MFAP3L: variants seen among roughly 807,000 people sequenced by gnomAD.
The protein encoded by MFAP3L is microfibrillar-associated protein 3-like.
MFAP3L carries 5 observed loss-of-function variants against 20.0 expected under a neutral mutation model. The ratio of observed to expected loss-of-function variants is 0.25; its 90% confidence interval spans 0.13 to 0.53. The LOEUF (loss-of-function observed/expected upper bound fraction) is 0.53. MFAP3L is among the 20% of genes least tolerant of loss of function. The pLI is 0.96. For missense variants in MFAP3L, 409 were observed against 527.5 expected, an observed-to-expected ratio of 0.78 and a Z score of 2.20; for synonymous variants, 219 against 213.0, an observed-to-expected ratio of 1.03 and a Z score of -0.25.
rs761925552 is a variant in MFAP3L at position 169,991,739 on chromosome 4, G to C, written c.869C>G (p.Pro290Arg). Reference protein sequence around the residue: ...AADRDEVYTIPNSLKRSDSPA... With the variant: ...AADRDEVYTIRNSLKRSDSPA... The stretch of plus-strand genomic sequence containing the variant: ...GGAGTCGCTCCGCTTCAGAGAGTTG[G>C]GGATTGTGTAGACCTCATCCCTGTC... The change falls in exon 3 of 3, where the codon CCC becomes CGC. Residue 290 changes from proline to arginine, a missense_variant. By Grantham distance (103) the Pro-to-Arg change is moderately radical (BLOSUM62 -2). Transcript: ENST00000361618. The surrounding 1 kb of genome is among the most constrained non-coding windows in gnomAD (Gnocchi z 4.9). The C allele has an allele frequency of 6.8e-6, 11 of 1,613,950 alleles. No homozygotes were observed. In the African/African-American group the frequency reaches 1.5e-4, roughly 22 times the overall value.
chr4:170,022,778 G>A (rs1740116023), intron 1 of MFAP3L, among the ~76,000 whole-genome samples: 1 of 152,148 alleles, frequency 6.6e-6, no homozygotes, highest in Non-Finnish European at 1.5e-5. Context: ...TACAAAACAA[G>A]GAATGGGGGT....
At chr4:170,012,199 A>G (rs958679362) in intron 1 of MFAP3L, among the ~76,000 whole-genome samples, 1 of 152,204 alleles carries the variant, frequency 6.6e-6, no homozygotes, top group African/African-American at 2.4e-5. Context: ...AAGGAAATGA[A>G]CGGGGGCCTG....
rs368486887 is a variant in MFAP3L, at chr4:169,991,338, C to T, written c.*40G>A. 53 of 1,578,690 alleles carry T rather than the reference C, an allele frequency of 3.4e-5. No homozygotes were observed. The highest frequency in any genetic ancestry group is 4.4e-5 in the Non-Finnish European group (51 of 1,160,174). ...CTACATCTGTATTACAAGGAGCAGC[C>T]CCTGATTTTCTTGATATGCATAGCT... On this transcript the variant is annotated 3_prime_UTR_variant, in exon 3 of 3. Transcript: ENST00000361618. This position sits in a 1 kb window ranked among gnomAD's most constrained non-coding sequence, Gnocchi z 4.9.
intron 1 of MFAP3L, among the ~76,000 whole-genome samples, chr4:170,022,467 T>C (rs908409705): frequency 6.6e-6 from 1 of 152,226 alleles, no homozygotes; most frequent in African/African-American, 2.4e-5. Context: ...GACCACTTTG[T>C]TCCCCTCCTC....
intron 2 of MFAP3L, chr4:169,993,549 G>A (rs1490819651): frequency 6.6e-6 from 1 of 152,118 alleles, no homozygotes; most frequent in Non-Finnish European, 1.5e-5. Flanking sequence ...TTAATACAGG[G>A]TTCCAATGGA....
intron 2 of MFAP3L, chr4:170,003,791 T>C (rs1351712904): frequency 3.0e-6 from 3 of 985,360 alleles, no homozygotes; most frequent in Non-Finnish European, 3.6e-6. Flanking sequence ...CTAAGGTACC[T>C]GGCCTGCAGT....
At chr4:170,011,102 G>C (rs911046955) in intron 1 of MFAP3L, among the ~76,000 whole-genome samples, 2 of 152,166 alleles carry the variant, frequency 1.3e-5, no homozygotes, top group African/African-American at 4.8e-5. Flanking sequence ...CTGCTGCCGT[G>C]TAAGACATGC....
Position 169,992,230 on chromosome 4 carries a change from C to T in MFAP3L, c.378G>A (p.Val126=). The T allele has an allele frequency of 6.2e-7, 1 of 1,614,114 alleles. No homozygotes were observed. Among genetic ancestry groups the T allele is most frequent in the Non-Finnish European group, 8.5e-7 (1 of 1,180,008 alleles). The part of the protein sequence containing the change: ...SFSDRGKYTC[V]ASNIYGTVNN... ...TCACGGTGCCGTAGATGTTAGAAGC[C>T]ACACACGTGTATTTACCTCGGTCTG... is the stretch of plus-strand genomic sequence containing the variant. The change falls in exon 3 of 3, where the codon GTG becomes GTA. Residue 126 remains valine, a synonymous_variant. Transcript: ENST00000361618. The surrounding 1 kb of genome is among the most constrained non-coding windows in gnomAD (Gnocchi z 4.3).
intron 2 of MFAP3L, chr4:170,002,004 G>A: frequency 9.1e-6 from 9 of 985,430 alleles, no homozygotes; most frequent in Non-Finnish European, 1.1e-5. Context: ...CTCCTTTCCA[G>A]GCTAATCACA....
intron 1 of MFAP3L, among the ~76,000 whole-genome samples, chr4:170,016,238 C>A (rs1739693559): frequency 6.6e-6 from 1 of 152,174 alleles, no homozygotes; most frequent in African/African-American, 2.4e-5. Context: ...AGTGTAAAAG[C>A]CAGAGGCAGC....
At chr4:170,019,918 C>T (rs1198134051) in intron 1 of MFAP3L, among the ~76,000 whole-genome samples, 3 of 152,198 alleles carry the variant, frequency 2.0e-5, no homozygotes, top group Non-Finnish European at 1.5e-5. Flanking sequence ...CAACCCACAA[C>T]AACTTTCTTT....
intron 2 of MFAP3L, 27 bp downstream of exon 2, chr4:170,005,553 G>T: frequency 6.2e-7 from 1 of 1,601,208 alleles, no homozygotes; most frequent in South Asian, 1.1e-5. Flanking sequence ...ATTTTATTAT[G>T]ACATTTGATA....
Position 169,986,662 on chromosome 4 carries a change from TTC to T in MFAP3L, c.*4714_*4715del, listed in dbSNP as rs2110872913. 1 of 152,324 alleles carries T rather than the reference TTC, an allele frequency of 6.6e-6. No individual in the cohort carries two copies. The highest frequency in any genetic ancestry group is 2.1e-4 in the South Asian group (1 of 4,828). 9.4% of individuals were successfully genotyped at this position (152,324 alleles called of 1,614,324 possible). ...AAAATACAGGATGGATCACATGGTTTTCTGTTTTTGCTACTGTAATACCAACT... is the reference window on the plus strand; with the variant it reads ...AAAATACAGGATGGATCACATGGTTTTGTTTTTGCTACTGTAATACCAACT... On this transcript the variant is annotated 3_prime_UTR_variant, in exon 3 of 3. Transcript: ENST00000361618.
rs1468079929 is a variant in MFAP3L at position 170,005,956 on chromosome 4, C to G, written c.-79G>C. The G allele has an allele frequency of 3.3e-6, 5 of 1,523,426 alleles. No individual in the cohort carries two copies. Among genetic ancestry groups the G allele is most frequent in the South Asian group, 2.6e-5 (2 of 78,120 alleles). 94.4% of individuals were successfully genotyped at this position (1,523,426 alleles called of 1,614,324 possible). A position where few individuals can be genotyped will look rare whatever the true frequency, so the allele number is the denominator to read the frequency against. ...CTATCAGACAACACACTGTTCACAGCAGGTCATGGGACAAACCTGTCCTGG... is the reference window on the plus strand; with the variant it reads ...CTATCAGACAACACACTGTTCACAGGAGGTCATGGGACAAACCTGTCCTGG... On this transcript the variant is annotated 5_prime_UTR_variant, in exon 2 of 3. Coordinates refer to ENST00000361618, the MANE Select transcript of MFAP3L (RefSeq NM_021647.8).
rs142895922 is a variant in MFAP3L at position 170,006,409 on chromosome 4, G to A, written c.-133-399C>T. Among the ~76,000 whole-genome samples the A allele has an allele frequency of 1.5e-4, 23 of 152,154 alleles. No individual in the cohort carries two copies. In the East Asian group the frequency reaches 3.5e-3, roughly 23 times the overall value. Reference sequence around the variant, plus strand: ...ATTACAGGCGTGAGCCACCGCACCCGGCCAAACCTACATACTTTTTAAACA... The same window carrying A: ...ATTACAGGCGTGAGCCACCGCACCCAGCCAAACCTACATACTTTTTAAACA... On this transcript the variant is annotated intron_variant, in intron 1 of 2. Coordinates refer to ENST00000361618, the MANE Select transcript of MFAP3L (RefSeq NM_021647.8).
At chr4:169,995,327 C>A (rs546910425) in intron 2 of MFAP3L, among the ~76,000 whole-genome samples, 2 of 152,328 alleles carry the variant, frequency 1.3e-5, no homozygotes, top group African/African-American at 2.4e-5. Flanking sequence ...ATTCCCCCAC[C>A]CCCTTTTTTG....
At chr4:169,993,971 A>C (rs1039252319) in intron 2 of MFAP3L, among the ~76,000 whole-genome samples, 23 of 152,128 alleles carry the variant, frequency 1.5e-4, no homozygotes, top group African/African-American at 5.3e-4. Flanking sequence ...CATGAACATA[A>C]ATTTTGATAT....
chr4:170,021,407 G>C (rs533590575), intron 1 of MFAP3L, among the ~76,000 whole-genome samples: 1 of 152,268 alleles, frequency 6.6e-6, no homozygotes, highest in Admixed American at 6.5e-5. Flanking sequence ...CTTTACAATA[G>C]AAAACAATTT....
At chr4:170,013,621 A>C (rs1283325226) in intron 1 of MFAP3L, among the ~76,000 whole-genome samples, 2 of 152,204 alleles carry the variant, frequency 1.3e-5, no homozygotes, top group African/African-American at 4.8e-5. Flanking sequence ...CATGACTGCT[A>C]ATAATAACCT....
Sources: gnomAD v4.1 joint callset for allele counts (sites outside exome capture counted in the v4.1 genomes callset) on GRCh38, gnomAD v4.1.1 for gene constraint, Gnocchi (gnomAD v3.1) non-coding constraint, MANE v1.5 for transcripts, NCBI Gene and HGNC (gene_info 2026-07-23, HGNC 2026-07-21) for gene names.